The following NAP1L4 variants were observed in gnomAD, a reference collection of about 807,000 sequenced individuals.
NAP1L4 encodes nucleosome assembly protein 1 like 4.
NAP1L4 carries 15 observed loss-of-function variants against 58.2 expected under a neutral mutation model. That is an observed-to-expected ratio of 0.26 (90% CI 0.17 to 0.40). NAP1L4 has a LOEUF of 0.40. Among genes scored for constraint, NAP1L4 ranks in the 10% least tolerant of loss-of-function variants. The pLI, the probability that NAP1L4 is intolerant of heterozygous loss-of-function variation, is 1.00. For missense variants in NAP1L4, 384 were observed against 451.1 expected, an observed-to-expected ratio of 0.85 and a Z score of 1.35; for synonymous variants, 171 against 155.6, an observed-to-expected ratio of 1.10 and a Z score of -0.74.
At chr11:2,991,304 G>A (rs1263044186) in intron 1 of NAP1L4, 6 of 334,568 alleles carry the variant, frequency 1.8e-5, no homozygotes, top group South Asian at 4.4e-5. Context: ...TCGCTGGGGT[G>A]AACGGAAAGC....
At position 2,949,221 on chromosome 11, in the gene NAP1L4, C is replaced by T. The variant is rs760304276; in HGVS notation, c.*32+6G>A. On this transcript the variant is annotated splice_donor_region_variant and intron_variant, in intron 15 of 15. Transcript: ENST00000380542. The surrounding 1 kb of genome is among the most constrained non-coding windows in gnomAD (Gnocchi z 4.0). ...GAAGTTAGGTATGAATGGAATTCCA[C>T]CTTACCTAGAAACGTATGAATGATT... The T allele has an allele frequency of 3.2e-6, 5 of 1,585,384 alleles. No homozygotes were observed. The highest frequency in any genetic ancestry group is 3.3e-5 in the Admixed American group (2 of 59,774).
In NAP1L4 at chr11:2,955,303, T is replaced by G. The variant is rs142205294; in HGVS notation, c.915+441A>C. On this transcript the variant is annotated intron_variant, in intron 11 of 15. Coordinates refer to ENST00000380542, the MANE Select transcript of NAP1L4 (RefSeq NM_005969.4). The surrounding 1 kb of genome is among the most constrained non-coding windows in gnomAD (Gnocchi z 4.2). ...CCTCCTCCTCTCGGGTTCAAGTGAT[T>G]CTCCTGCTTGAGCCTCCTGAGTAGC... 0.012 allele frequency among the ~76,000 whole-genome samples: 1,897 copies of G among 152,136 alleles called. 34 individuals carry two copies. Among genetic ancestry groups the G allele is most frequent in the African/African-American group, 0.043 (1,788 of 41,480 alleles).
chr11:2,945,526 A>G lies in NAP1L4; in HGVS notation c.*153T>C. 8.1e-7 allele frequency: 1 copy of G among 1,227,658 alleles called. No homozygotes were observed. Among genetic ancestry groups the G allele is most frequent in the Non-Finnish European group, 1.1e-6 (1 of 876,512 alleles). 76.0% of individuals were successfully genotyped at this position (1,227,658 alleles called of 1,614,324 possible). On this transcript the variant is annotated 3_prime_UTR_variant, in exon 16 of 16. Transcript: ENST00000380542. ...AGATGGAGTAAGCTCTGTCCACGGG[A>G]TTGTGCTGCGGCAAGGACCGAGGCC...
intron 6 of NAP1L4, among the ~76,000 whole-genome samples, chr11:2,970,505 T>A (rs1024505319): frequency 4.6e-5 from 7 of 151,886 alleles, no homozygotes; most frequent in African/African-American, 1.7e-4. Context: ...GAAGTGGCTA[T>A]AAATGCCAGC....
chr11:2,966,183 T>C (rs1018495164), intron 7 of NAP1L4, among the ~76,000 whole-genome samples: 8 of 152,238 alleles, frequency 5.3e-5, no homozygotes, highest in South Asian at 4.1e-4. Flanking sequence ...TTCTCTTTTT[T>C]AGTTGTATGT....
rs1846745462 is a variant in NAP1L4, at chr11:2,959,748, A to T, written c.746+22T>A. The stretch of plus-strand genomic sequence containing the variant: ...CTTTTGATTTTGTTTCAGAAAAACA[A>T]GGTAGAATGACATTTTCTTACCCGT... On this transcript the variant is annotated intron_variant, in intron 9 of 15. Transcript: ENST00000380542. The surrounding 1 kb of genome is among the most constrained non-coding windows in gnomAD (Gnocchi z 4.9). 6.2e-7 allele frequency: 1 copy of T among 1,607,392 alleles called. No homozygotes were observed. Among genetic ancestry groups the T allele is most frequent in the African/African-American group, 1.3e-5 (1 of 74,516 alleles).
At position 2,958,644 on chromosome 11, in the gene NAP1L4, A is replaced by G. The variant is rs1846689669; in HGVS notation, c.747-100T>C. On this transcript the variant is annotated intron_variant, in intron 9 of 15. Transcript: ENST00000380542. ...ACCACAGCTCTATGCCAAACCTGGA[A>G]AACGAAATAAAACCAATCTGCAAAC... 7 of 1,195,568 alleles carry G rather than the reference A, an allele frequency of 5.9e-6. No homozygotes were observed. In the South Asian group the frequency reaches 7.6e-5, roughly 13 times the overall value. The allele number at this position is 1,195,568 out of a possible 1,614,324, so 74.1% of individuals were successfully genotyped here.
rs139387360 is a variant in NAP1L4 at position 2,959,201 on chromosome 11, T to G, written c.746+569A>C. 6.6e-6 allele frequency among the ~76,000 whole-genome samples: 1 copy of G among 152,350 alleles called. No individual in the cohort carries two copies. The highest frequency in any genetic ancestry group is 1.9e-4 in the East Asian group (1 of 5,186). ...TTTTAATAAAGTCCTGAATTAACAATTACTATTTACTTCTGGTAAATAAAC... is the reference window on the plus strand; with the variant it reads ...TTTTAATAAAGTCCTGAATTAACAAGTACTATTTACTTCTGGTAAATAAAC... On this transcript the variant is annotated intron_variant, in intron 9 of 15. Transcript: ENST00000380542. This position sits in a 1 kb window ranked among gnomAD's most constrained non-coding sequence, Gnocchi z 4.9.
chr11:2,963,341 G>A (rs1847060986), intron 8 of NAP1L4, among the ~76,000 whole-genome samples: 1 of 152,084 alleles, frequency 6.6e-6, no homozygotes, highest in Non-Finnish European at 1.5e-5. Context: ...GGCGGCTCCT[G>A]GGGGCCCTGT....
rs2133918075 is a variant in NAP1L4, at chr11:2,955,560, CAG to C, written c.915+182_915+183del. On this transcript the variant is annotated intron_variant, in intron 11 of 15. Transcript: ENST00000380542. The surrounding 1 kb of genome is among the most constrained non-coding windows in gnomAD (Gnocchi z 4.2). Reference sequence around the variant, plus strand: ...GGAGATGGGGTTGTGCTATGTTGCCCAGGCTGGTCTCAAACTCCTGGACTCGT... The same window carrying C: ...GGAGATGGGGTTGTGCTATGTTGCCCGCTGGTCTCAAACTCCTGGACTCGT... Among the ~76,000 whole-genome samples, 1 of 152,052 alleles carries C rather than the reference CAG, an allele frequency of 6.6e-6. No individual in the cohort carries two copies. The highest frequency in any genetic ancestry group is 6.5e-5 in the Admixed American group (1 of 15,272).
rs1234173314 is a variant in NAP1L4 at position 2,976,014 on chromosome 11, G to A, written c.173+10C>T. 4 of 1,606,094 alleles carry A rather than the reference G, an allele frequency of 2.5e-6. No homozygotes were observed. In the East Asian group the frequency reaches 6.7e-5, roughly 27 times the overall value. Reference sequence around the variant, plus strand: ...CAAATTGCATGAGACCCTATTCACAGCACACTTACGTTTCGATGTAGCTGG... The same window carrying A: ...CAAATTGCATGAGACCCTATTCACAACACACTTACGTTTCGATGTAGCTGG... On this transcript the variant is annotated intron_variant, in intron 4 of 15. Coordinates refer to ENST00000380542, the MANE Select transcript of NAP1L4 (RefSeq NM_005969.4).
In NAP1L4 at chr11:2,969,945, G is replaced by C. The variant is rs1469465954; in HGVS notation, c.403-11C>G. On this transcript the variant is annotated splice_polypyrimidine_tract_variant and intron_variant, in intron 6 of 15. Coordinates refer to ENST00000380542, the MANE Select transcript of NAP1L4 (RefSeq NM_005969.4). ...ACTTTTCATGTCTCCCTAAAAAAAA[G>C]ATGCAACATAGGTAACGAAAATAAA... The C allele has an allele frequency of 3.1e-6, 5 of 1,607,302 alleles. No homozygotes were observed. In the South Asian group the frequency reaches 5.6e-5, roughly 18 times the overall value.
At chr11:2,981,066 CA>C (rs1158022639) in intron 1 of NAP1L4, among the ~76,000 whole-genome samples, 1 of 151,160 alleles carries the variant, frequency 6.6e-6, no homozygotes, top group African/African-American at 2.5e-5. Context: ...CTCGTCTCTA[CA>C]AAAACAAACA....
At chr11:2,988,163 T>C (rs1848754541) in intron 1 of NAP1L4, 1 of 152,212 alleles carries the variant, frequency 6.6e-6, no homozygotes, top group South Asian at 2.1e-4. Context: ...ATGATTTCCT[T>C]TCCTTAACCA....
At chr11:2,963,265 A>G (rs2133944139) in intron 8 of NAP1L4, among the ~76,000 whole-genome samples, 1 of 152,272 alleles carries the variant, frequency 6.6e-6, no homozygotes, top group South Asian at 2.1e-4. Context: ...AACTTAAAGC[A>G]CCGCACGCTC....
At chr11:2,961,330 G>A (rs1181132174) in intron 8 of NAP1L4, among the ~76,000 whole-genome samples, 1 of 152,062 alleles carries the variant, frequency 6.6e-6, no homozygotes, top group Non-Finnish European at 1.5e-5. Context: ...CTGGCTAGGA[G>A]CTCTCCACTG....
At chr11:2,975,942 C>T in intron 4 of NAP1L4, 82 bp downstream of exon 4, 1 of 1,208,214 alleles carries the variant, frequency 8.3e-7, no homozygotes, top group Non-Finnish European at 1.2e-6. Context: ...TAATCCTGTT[C>T]TGGGGAACTG....
chr11:2,967,863 T>G (rs1847381856), intron 7 of NAP1L4, among the ~76,000 whole-genome samples: 1 of 152,084 alleles, frequency 6.6e-6, no homozygotes, highest in South Asian at 2.1e-4. Context: ...GGACACCCCA[T>G]TTAAAATGTG....
At position 2,955,251 on chromosome 11, in the gene NAP1L4, CGGT is replaced by C. The variant is rs1026069498; in HGVS notation, c.915+490_915+492del. The stretch of plus-strand genomic sequence containing the variant: ...TCTTGCTCTGTCGCCCAATGGAATA[CGGT>C]GGTGCAATCTCAGCTCACTGCAACC... On this transcript the variant is annotated intron_variant, in intron 11 of 15. Coordinates refer to ENST00000380542, the MANE Select transcript of NAP1L4 (RefSeq NM_005969.4). This position sits in a 1 kb window ranked among gnomAD's most constrained non-coding sequence, Gnocchi z 4.2. Among the ~76,000 whole-genome samples the C allele has an allele frequency of 2.6e-5, 4 of 152,052 alleles. No homozygotes were observed. The highest frequency in any genetic ancestry group is 6.6e-5 in the Admixed American group (1 of 15,258).
Sources: gnomAD v4.1 joint callset for allele counts (sites outside exome capture counted in the v4.1 genomes callset) on GRCh38, gnomAD v4.1.1 for gene constraint, Gnocchi (gnomAD v3.1) non-coding constraint, MANE v1.5 for transcripts, NCBI Gene and HGNC (gene_info 2026-07-23, HGNC 2026-07-21) for gene names.